Variants in TFAP2D observed in about 807,000 individuals in gnomAD.
TFAP2D encodes transcription factor AP-2-delta.
TFAP2D carries 9 observed loss-of-function variants against 43.6 expected under a neutral mutation model. The ratio of observed to expected loss-of-function variants is 0.21; its 90% CI spans 0.12 to 0.36. The LOEUF is 0.36. Among genes scored for constraint, TFAP2D ranks in the 10% least tolerant of loss-of-function variants. The pLI, the probability that TFAP2D is intolerant of heterozygous loss-of-function variation, is 1.00. For missense variants in TFAP2D, 513 were observed against 561.4 expected (o/e 0.91, Z 0.87); for synonymous variants, 256 against 224.9 (o/e 1.14, Z -1.24).
At chr6:50,728,146 A>G (rs552702084) in intron 3 of TFAP2D, among the ~76,000 whole-genome samples, 1 of 152,210 alleles carries the variant, frequency 6.6e-6, no homozygotes, top group Non-Finnish European at 1.5e-5. Flanking sequence ...AATGACATTT[A>G]CAATTTACAT....
intron 7 of TFAP2D, among the ~76,000 whole-genome samples, chr6:50,762,629 G>A (rs1292125377): frequency 1.3e-5 from 2 of 152,048 alleles, no homozygotes; most frequent in Non-Finnish European, 2.9e-5. Context: ...TAATTGGGAG[G>A]TCTAGCAAAA....
chr6:50,717,044 A>G (rs1367497754), intron 2 of TFAP2D, among the ~76,000 whole-genome samples: 2 of 152,216 alleles, frequency 1.3e-5, no homozygotes, highest in South Asian at 2.1e-4. Context: ...ATTTTTCACA[A>G]GGATCCCCTT....
rs899600827 is a variant in TFAP2D at position 50,728,733 on chromosome 6, T to C, written c.599-123T>C. 3.1e-5 allele frequency: 27 copies of C among 873,180 alleles called. No individual in the cohort carries two copies. In the African/African-American group the frequency reaches 4.5e-4, roughly 15 times the overall value. The allele number at this position is 873,180 out of a possible 1,614,324, so 54.1% of individuals were successfully genotyped here. ...CAGCTCCCTGCGATGATCTGGGGGA[T>C]ATATAAGTACAACTGTTAGCATGTA... On this transcript the variant is annotated intron_variant, in intron 3 of 7. Transcript: ENST00000008391.
chr6:50,772,416 G>A (rs1418663349), intron 7 of TFAP2D, among the ~76,000 whole-genome samples: 1 of 151,982 alleles, frequency 6.6e-6, no homozygotes. Flanking sequence ...ATAATAATTA[G>A]TGCATATCAA....
intron 5 of TFAP2D, among the ~76,000 whole-genome samples, chr6:50,736,973 G>GT (rs1368610439): frequency 2.0e-5 from 3 of 151,262 alleles, no homozygotes; most frequent in East Asian, 1.9e-4. Flanking sequence ...TCCTTTTTTT[G>GT]TTTTTTGTTT....
At chr6:50,746,933 G>C (rs1581771253) in intron 6 of TFAP2D, among the ~76,000 whole-genome samples, 1 of 152,086 alleles carries the variant, frequency 6.6e-6, no homozygotes, top group African/African-American at 2.4e-5. Context: ...AGAAGGAATA[G>C]AGAAAAAGCA....
intron 7 of TFAP2D, among the ~76,000 whole-genome samples, chr6:50,768,359 A>G (rs1321821640): frequency 1.6e-5 from 2 of 122,172 alleles, no homozygotes; most frequent in Non-Finnish European, 3.3e-5. Flanking sequence ...TTTGAGATAG[A>G]GACTTGCTTT....
At chr6:50,721,711 ATGTC>A (rs1240045267) in intron 3 of TFAP2D, among the ~76,000 whole-genome samples, 1 of 152,214 alleles carries the variant, frequency 6.6e-6, no homozygotes, top group Non-Finnish European at 1.5e-5. Flanking sequence ...AAAGCTAAGA[ATGTC>A]TGTTTCTTTT....
intron 7 of TFAP2D, among the ~76,000 whole-genome samples, chr6:50,752,364 T>C (rs1312385609): frequency 6.6e-6 from 1 of 151,906 alleles, no homozygotes; most frequent in Non-Finnish European, 1.5e-5. Context: ...TCAGGTGCCT[T>C]ACATTTTTAA....
chr6:50,766,446 T>A (rs563369031), intron 7 of TFAP2D, among the ~76,000 whole-genome samples: 1 of 152,154 alleles, frequency 6.6e-6, no homozygotes, highest in African/African-American at 2.4e-5. Flanking sequence ...ATAGATTGGT[T>A]TTAGTATGGA....
intron 7 of TFAP2D, among the ~76,000 whole-genome samples, chr6:50,753,621 T>A (rs567362942): frequency 6.6e-6 from 1 of 151,730 alleles, no homozygotes; most frequent in East Asian, 2.0e-4. Context: ...GAAAGTGAGA[T>A]TATATTGGAG....
chr6:50,762,712 A>G (rs1387041610), intron 7 of TFAP2D, among the ~76,000 whole-genome samples: 2 of 152,136 alleles, frequency 1.3e-5, no homozygotes, highest in African/African-American at 4.8e-5. Flanking sequence ...CCCTAACATC[A>G]GGTGCCATAA....
chr6:50,750,617 T>A (rs1326084636), intron 6 of TFAP2D, among the ~76,000 whole-genome samples: 2 of 151,876 alleles, frequency 1.3e-5, no homozygotes, highest in African/African-American at 4.8e-5. Context: ...AGCAGAAAAG[T>A]TACCTTGAGG....
chr6:50,767,427 C>T (rs746031058), intron 7 of TFAP2D, among the ~76,000 whole-genome samples: 2 of 152,184 alleles, frequency 1.3e-5, no homozygotes, highest in Admixed American at 1.3e-4. Flanking sequence ...ATGTTATTCC[C>T]ATTCCTCTTC....
chr6:50,743,639 C>T (rs1261833801), intron 5 of TFAP2D, among the ~76,000 whole-genome samples: 1 of 152,182 alleles, frequency 6.6e-6, no homozygotes. Flanking sequence ...CCCGCTTCTG[C>T]CTCCCAAAGT....
chr6:50,742,648 C>T (rs1331410103), intron 5 of TFAP2D, among the ~76,000 whole-genome samples: 4 of 151,922 alleles, frequency 2.6e-5, no homozygotes, highest in Admixed American at 2.6e-4. Context: ...TAGATAGACT[C>T]TGTTAAAATG....
chr6:50,719,494 A>AAAGG (rs750856697), intron 3 of TFAP2D, among the ~76,000 whole-genome samples: 1 of 137,210 alleles, frequency 7.3e-6, no homozygotes, highest in Non-Finnish European at 1.6e-5. Flanking sequence ...AGAAAGAAAG[A>AAAGG]AAGAAAGAAG....
chr6:50,735,390 C>T (rs1327800750), intron 5 of TFAP2D, among the ~76,000 whole-genome samples: 1 of 152,046 alleles, frequency 6.6e-6, no homozygotes, highest in African/African-American at 2.4e-5. Context: ...CTGTTTTTCA[C>T]GTTAGATTGG....
At chr6:50,719,172 G>A (rs781723541) in intron 3 of TFAP2D, 22 bp downstream of exon 3, 2 of 1,610,620 alleles carry the variant, frequency 1.2e-6, no homozygotes. Context: ...GTAACAACAT[G>A]TTAACCCTAG....
Sources: allele counts gnomAD v4.1 joint callset (sites outside exome capture counted in the v4.1 genomes callset), GRCh38; gene constraint gnomAD v4.1.1; transcripts MANE v1.5; gene names NCBI Gene and HGNC (gene_info 2026-07-23, HGNC 2026-07-21).